CAT: variants seen among roughly 807,000 people sequenced by gnomAD.
CAT encodes the protein epididymis secretory sperm binding protein.
CAT carries 43 observed loss-of-function variants against 59.0 expected under a neutral mutation model. The ratio of observed to expected loss-of-function variants is 0.73; its 90% CI spans 0.57 to 0.94. The LOEUF is 0.94. Among genes scored for constraint, CAT ranks in the 40% least tolerant of loss-of-function variants. The probability of loss-of-function intolerance (pLI) is 0.00; values close to 1 mark genes in which losing one functional copy is unlikely to be tolerated. For synonymous variants in CAT, 218 were observed against 230.9 expected, an observed-to-expected ratio of 0.94 and a Z score of 0.51; for missense variants, 664 against 682.9, an observed-to-expected ratio of 0.97 and a Z score of 0.31.
intron 3 of CAT, 82 bp from the exon 4 acceptor site, chr11:34,451,995 C>G: frequency 6.9e-7 from 1 of 1,441,076 alleles, no homozygotes; most frequent in South Asian, 1.1e-5. Context: ...AAGGATGGAT[C>G]CAGGTGCTTC....
intron 10 of CAT, among the ~76,000 whole-genome samples, chr11:34,466,803 AAG>A (rs1491487997): frequency 6.7e-6 from 1 of 150,342 alleles, no homozygotes; most frequent in Non-Finnish European, 1.5e-5. Context: ...AAAAAAAAAA[AAG>A]AAAATAGATG....
chr11:34,456,221 A>G lies in CAT; in HGVS notation c.903+19A>G. The G allele has an allele frequency of 1.3e-6, 2 of 1,582,262 alleles. No individual in the cohort carries two copies. The highest frequency in any genetic ancestry group is 1.7e-6 in the Non-Finnish European group (2 of 1,152,138). Reference sequence around the variant, plus strand: ...CACCAAGGTGAGTCAGTAAACAACTATATTGTTTTCTTTTTTAAGTCTCTT... The same window carrying G: ...CACCAAGGTGAGTCAGTAAACAACTGTATTGTTTTCTTTTTTAAGTCTCTT... On this transcript the variant is annotated intron_variant, in intron 7 of 12. Transcript: ENST00000241052.
chr11:34,461,118 C>T (rs965524241), intron 8 of CAT, 133 bp from the exon 9 acceptor site: 22 of 972,878 alleles, frequency 2.3e-5, no homozygotes, highest in East Asian at 1.7e-4. Flanking sequence ...TCTTAAGTAG[C>T]GGGAAAGGCA....
At chr11:34,460,014 G>C (rs1278159430) in intron 8 of CAT, among the ~76,000 whole-genome samples, 1 of 152,110 alleles carries the variant, frequency 6.6e-6, no homozygotes, top group Non-Finnish European at 1.5e-5. Flanking sequence ...TAAGTCTGTT[G>C]GTATCAGTGA....
chr11:34,470,774 G>A, intron 11 of CAT, 184 bp from the exon 12 acceptor site: 1 of 690,122 alleles, frequency 1.4e-6, no homozygotes, highest in South Asian at 1.5e-5. Flanking sequence ...GCCAGTATAT[G>A]TCAGAGTGTT....
intron 12 of CAT, 46 bp downstream of exon 12, chr11:34,471,087 T>C (rs1296580672): frequency 1.3e-6 from 2 of 1,515,006 alleles, no homozygotes; most frequent in East Asian, 4.5e-5. Context: ...GTGTGCTGGG[T>C]TGGAGTAGGC....
rs757108297 is a variant in CAT at position 34,464,762 on chromosome 11, C to T, written c.1326+527C>T. Among the ~76,000 whole-genome samples, 138 of 151,968 alleles carry T rather than the reference C, an allele frequency of 9.1e-4. 2 individuals carry two copies. The highest frequency in any genetic ancestry group is 3.5e-4 in the Non-Finnish European group (24 of 68,018). ...GCTTCCTGTTTTCTCCTATCTGCGTCAGAGCTTCTGTTTTATCATGGTTGT... is the reference window on the plus strand; with the variant it reads ...GCTTCCTGTTTTCTCCTATCTGCGTTAGAGCTTCTGTTTTATCATGGTTGT... On this transcript the variant is annotated intron_variant, in intron 10 of 12. Transcript: ENST00000241052.
intron 1 of CAT, among the ~76,000 whole-genome samples, chr11:34,439,333 A>G (rs991297907): frequency 1.1e-4 from 17 of 152,112 alleles, no homozygotes; most frequent in Non-Finnish European, 2.4e-4. Flanking sequence ...AGAATTTTGC[A>G]CTTTTGCCAA....
intron 1 of CAT, among the ~76,000 whole-genome samples, chr11:34,447,869 G>T (rs1222665096): frequency 2.0e-5 from 3 of 152,162 alleles, no homozygotes; most frequent in Non-Finnish European, 4.4e-5. Flanking sequence ...CTTACCAGCA[G>T]CTACATAGCT....
intron 2 of CAT, among the ~76,000 whole-genome samples, chr11:34,450,134 C>T (rs553030573): frequency 5.5e-4 from 83 of 152,212 alleles, no homozygotes; most frequent in Non-Finnish European, 1.0e-3. Context: ...TTCTCATCAA[C>T]GTTATAATGA....
In CAT at chr11:34,439,033, C is replaced by T. The variant is rs1853880930; in HGVS notation, c.20C>T (p.Pro7Leu). Residue 7 changes from proline (P) to leucine (L), a missense_variant, in exon 1 of 13, where the codon CCC becomes CTC. Coordinates refer to ENST00000241052, the MANE Select transcript of CAT (RefSeq NM_001752.4). MADSRDPASDQMQHWKE... is the reference protein window; with the variant it reads MADSRDLASDQMQHWKE... ...CACGCTATGGCTGACAGCCGGGATC[C>T]CGCCAGCGACCAGATGCAGCACTGG... The T allele has an allele frequency of 1.3e-6, 2 of 1,597,890 alleles. No homozygotes were observed. Among genetic ancestry groups the T allele is most frequent in the South Asian group, 1.1e-5 (1 of 88,766 alleles).
At chr11:34,442,324 C>T (rs542314685) in intron 1 of CAT, among the ~76,000 whole-genome samples, 8 of 152,028 alleles carry the variant, frequency 5.3e-5, no homozygotes, top group East Asian at 1.9e-4. Flanking sequence ...AATTTATGGC[C>T]GGGTGCAGTG....
chr11:34,461,467 G>T, intron 9 of CAT, 78 bp downstream of exon 9: 1 of 1,541,788 alleles, frequency 6.5e-7, no homozygotes, highest in Non-Finnish European at 8.9e-7. Flanking sequence ...CAGGCCAGTG[G>T]CTCTCAAGCT....
chr11:34,466,449 G>T (rs566743721), intron 10 of CAT, among the ~76,000 whole-genome samples: 22 of 152,292 alleles, frequency 1.4e-4, no homozygotes, highest in African/African-American at 5.1e-4. Context: ...GGAACTGTCA[G>T]ATACAGGTTT....
At chr11:34,464,642 T>C (rs1263952578) in intron 10 of CAT, among the ~76,000 whole-genome samples, 2 of 151,720 alleles carry the variant, frequency 1.3e-5, no homozygotes, top group Non-Finnish European at 2.9e-5. Flanking sequence ...GCCACAAGAG[T>C]GTGGGCGTTT....
chr11:34,443,869 A>G (rs1169603214), intron 1 of CAT, among the ~76,000 whole-genome samples: 1 of 152,192 alleles, frequency 6.6e-6, no homozygotes, highest in Non-Finnish European at 1.5e-5. Flanking sequence ...GGGGTGACTG[A>G]GTGACTTAAC....
At position 34,470,955 on chromosome 11, in the gene CAT, T is replaced by C; in HGVS notation, c.1435-3T>C. On this transcript the variant is annotated splice_region_variant and splice_polypyrimidine_tract_variant and intron_variant, in intron 11 of 12. Transcript: ENST00000241052. ...GCTTGCATTTATTTTCCTTTGGCCT[T>C]AGGTCAAGAACTTCACTGAGGTCCA... 1 of 1,612,860 alleles carries C rather than the reference T, an allele frequency of 6.2e-7. No individual in the cohort carries two copies. Among genetic ancestry groups the C allele is most frequent in the Non-Finnish European group, 8.5e-7 (1 of 1,178,812 alleles).
Position 34,449,179 on chromosome 11 carries a change from T to A in CAT, c.67-13T>A. 3 of 1,613,374 alleles carry A rather than the reference T, an allele frequency of 1.9e-6. No individual in the cohort carries two copies. The South Asian group carries it at 3.3e-5, about 18-fold the overall frequency. On this transcript the variant is annotated splice_polypyrimidine_tract_variant and intron_variant, in intron 1 of 12. Coordinates refer to ENST00000241052, the MANE Select transcript of CAT (RefSeq NM_001752.4). ...TGCTAACTCTCCTGCACTTTCTTTC[T>A]GTGTTCCTGTAGAAAGCTGATGTCC...
At position 34,468,769 on chromosome 11, in the gene CAT, C is replaced by T. The variant is rs17886592; in HGVS notation, c.1434+374C>T. ...TTTGGATGATAATAAATATATCAGC[C>T]GGTGTGATGGCATGCACCTGTAGTC... On this transcript the variant is annotated intron_variant, in intron 11 of 12. Coordinates refer to ENST00000241052, the MANE Select transcript of CAT (RefSeq NM_001752.4). Among the ~76,000 whole-genome samples the T allele has an allele frequency of 1.2e-3, 179 of 152,212 alleles. 1 individual carries two copies. The highest frequency in any genetic ancestry group is 3.4e-3 in the Middle Eastern group (1 of 294).
Sources: allele counts gnomAD v4.1 joint callset (sites outside exome capture counted in the v4.1 genomes callset), GRCh38; gene constraint gnomAD v4.1.1; transcripts MANE v1.5; gene names NCBI Gene and HGNC (gene_info 2026-07-23, HGNC 2026-07-21).